Variants in VSNL1 observed in about 807,000 individuals in gnomAD.
VSNL1 encodes the protein visinin like 1.
In VSNL1, 6 loss-of-function variants were observed where a neutral mutation model predicts 20.4. The observed-to-expected ratio is 0.29, with a 90% CI of 0.16 to 0.58. VSNL1 has a LOEUF of 0.58. Ranked by LOEUF, VSNL1 falls within the 20% of genes least tolerant of loss-of-function variation. The pLI is 0.90. For missense variants in VSNL1, 100 were observed against 234.5 expected (o/e 0.43, Z 3.75); for synonymous variants, 93 against 86.4 (o/e 1.08, Z -0.42).
chr2:17,638,177 T>C (rs1665797655), intron 2 of VSNL1, among the ~76,000 whole-genome samples: 1 of 152,176 alleles, frequency 6.6e-6, no homozygotes, highest in South Asian at 2.1e-4. Context: ...GAGTTCAAAT[T>C]CTGCCACTAA....
intron 2 of VSNL1, among the ~76,000 whole-genome samples, chr2:17,641,377 G>A (rs749056565): frequency 2.0e-5 from 3 of 152,154 alleles, no homozygotes; most frequent in Non-Finnish European, 4.4e-5. Flanking sequence ...CAAATTCAGT[G>A]CCATTTAAAA....
At chr2:17,571,791 A>T (rs997594318) in intron 1 of VSNL1, among the ~76,000 whole-genome samples, 1 of 152,242 alleles carries the variant, frequency 6.6e-6, no homozygotes, top group African/African-American at 2.4e-5. Context: ...AGGTAATTAT[A>T]TAGTCACTAG....
At chr2:17,642,309 C>CTTTTTTTTTTTT (rs577471307) in intron 2 of VSNL1, among the ~76,000 whole-genome samples, 1,041 of 93,114 alleles carry the variant, frequency 0.011, 191 homozygotes, top group Non-Finnish European at 0.015. Context: ...GTGAGCATTC[C>CTTTTTTTTTTTT]TTTTTTTTTT....
intron 3 of VSNL1, among the ~76,000 whole-genome samples, chr2:17,654,369 G>C (rs926389562): frequency 2.0e-5 from 3 of 152,134 alleles, no homozygotes; most frequent in Non-Finnish European, 4.4e-5. Flanking sequence ...ACTTCTTGCA[G>C]AGTTCAATTT....
At chr2:17,541,493 T>C (rs1663284192) in intron 1 of VSNL1, 1 of 152,124 alleles carries the variant, frequency 6.6e-6, no homozygotes, top group African/African-American at 2.4e-5. Context: ...AGATAATTTT[T>C]TTCGTCTTTG....
intron 1 of VSNL1, among the ~76,000 whole-genome samples, chr2:17,571,957 T>C (rs1371959918): frequency 6.6e-6 from 1 of 152,158 alleles, no homozygotes; most frequent in Non-Finnish European, 1.5e-5. Flanking sequence ...GGCTGTAATA[T>C]GAGAAGGAAC....
intron 2 of VSNL1, among the ~76,000 whole-genome samples, chr2:17,599,044 T>G (rs1304344928): frequency 1.3e-5 from 2 of 152,244 alleles, no homozygotes; most frequent in Non-Finnish European, 2.9e-5. Flanking sequence ...TTTGCAGTCC[T>G]CCTGAGCACT....
At chr2:17,611,301 A>T (rs1665080008) in intron 2 of VSNL1, among the ~76,000 whole-genome samples, 1 of 152,248 alleles carries the variant, frequency 6.6e-6, no homozygotes, top group African/African-American at 2.4e-5. Context: ...TAAGCTGCGC[A>T]TAGGTTCTAA....
At chr2:17,561,663 C>G (rs1663818393) in intron 1 of VSNL1, among the ~76,000 whole-genome samples, 1 of 152,158 alleles carries the variant, frequency 6.6e-6, no homozygotes. Flanking sequence ...GAGGCTATTG[C>G]AGTTGCCCAG....
intron 1 of VSNL1, among the ~76,000 whole-genome samples, chr2:17,566,299 C>G (rs888171605): frequency 6.6e-6 from 1 of 152,126 alleles, no homozygotes; most frequent in Non-Finnish European, 1.5e-5. Flanking sequence ...CTATATGCAT[C>G]TTCTGCTGTA....
At position 17,634,482 on chromosome 2, in the gene VSNL1, C is replaced by T. The variant is rs1055653789; in HGVS notation, c.163-14928C>T. Among the ~76,000 whole-genome samples the T allele has an allele frequency of 6.6e-6, 1 of 152,102 alleles. No individual in the cohort carries two copies. The highest frequency in any genetic ancestry group is 1.5e-5 in the Non-Finnish European group (1 of 68,018). On this transcript the variant is annotated intron_variant, in intron 2 of 3. Coordinates refer to ENST00000295156, the MANE Select transcript of VSNL1 (RefSeq NM_003385.5). The surrounding 1 kb of genome is among the most constrained non-coding windows in gnomAD (Gnocchi z 4.3). ...TTTAGCGGTCTTCTCAACACGTGTC[C>T]AGGGAAGAAGCAAGAAATAAAAAGG... is the stretch of plus-strand genomic sequence containing the variant.
At chr2:17,568,440 A>G (rs1023605142) in intron 1 of VSNL1, among the ~76,000 whole-genome samples, 1 of 152,088 alleles carries the variant, frequency 6.6e-6, no homozygotes, top group Non-Finnish European at 1.5e-5. Context: ...ACAAGTATAT[A>G]CATATTTTTT....
chr2:17,577,894 G>T (rs1664255211), intron 1 of VSNL1, among the ~76,000 whole-genome samples: 1 of 152,000 alleles, frequency 6.6e-6, no homozygotes, highest in South Asian at 2.1e-4. Context: ...GGGTCTGTCA[G>T]GGTTCAAATC....
intron 2 of VSNL1, among the ~76,000 whole-genome samples, chr2:17,617,373 G>A (rs896053035): frequency 2.0e-5 from 3 of 152,220 alleles, no homozygotes; most frequent in East Asian, 1.9e-4. Context: ...GCATGTGTCT[G>A]TAGTCCCAGC....
chr2:17,555,800 A>G (rs963542849), intron 1 of VSNL1, among the ~76,000 whole-genome samples: 4 of 152,070 alleles, frequency 2.6e-5, no homozygotes, highest in Non-Finnish European at 5.9e-5. Context: ...ACCAGCCCCA[A>G]CCCTACTGTG....
intron 2 of VSNL1, among the ~76,000 whole-genome samples, chr2:17,608,553 C>G (rs182594212): frequency 1.1e-3 from 170 of 152,224 alleles, no homozygotes; most frequent in Middle Eastern, 3.4e-3. Context: ...AAGGGGTATC[C>G]TGGGGGTGAA....
At chr2:17,543,441 A>T (rs571906585) in intron 1 of VSNL1, among the ~76,000 whole-genome samples, 4 of 152,338 alleles carry the variant, frequency 2.6e-5, no homozygotes, top group Admixed American at 2.6e-4. Context: ...CTGCAGCTGC[A>T]GAGATTAGGA....
intron 1 of VSNL1, among the ~76,000 whole-genome samples, chr2:17,556,542 TC>T (rs778771479): frequency 1.3e-5 from 2 of 152,166 alleles, no homozygotes; most frequent in Non-Finnish European, 2.9e-5. Context: ...TTTCACATAG[TC>T]CTTGTACAGA....
chr2:17,542,872 A>C (rs1452605895), intron 1 of VSNL1, among the ~76,000 whole-genome samples: 2 of 152,186 alleles, frequency 1.3e-5, no homozygotes, highest in African/African-American at 2.4e-5. Flanking sequence ...TCTAGTCCAA[A>C]CCCCTTGCTT....
Sources: gnomAD v4.1 joint callset for allele counts (sites outside exome capture counted in the v4.1 genomes callset) on GRCh38, gnomAD v4.1.1 for gene constraint, Gnocchi (gnomAD v3.1) non-coding constraint, MANE v1.5 for transcripts, NCBI Gene and HGNC (gene_info 2026-07-23, HGNC 2026-07-21) for gene names.